The following ETV7 variants were observed in gnomAD, a reference collection of about 807,000 sequenced individuals.
ETV7 encodes transcription factor ETV7.
In ETV7, 43 loss-of-function variants were observed where a neutral mutation model predicts 39.1. The ratio of observed to expected loss-of-function variants is 1.10; its 90% CI spans 0.86 to 1.42. The LOEUF (loss-of-function observed/expected upper bound fraction) is 1.42. Among genes scored for constraint, ETV7 ranks in the 40% most tolerant of loss-of-function variants. The pLI, the probability that ETV7 is intolerant of heterozygous loss-of-function variation, is 0.00. For missense variants in ETV7, 432 were observed against 442.3 expected, an observed-to-expected ratio of 0.98 and a Z score of 0.21; for synonymous variants, 196 against 176.6, an observed-to-expected ratio of 1.11 and a Z score of -0.87.
intron 2 of ETV7, among the ~76,000 whole-genome samples, chr6:36,381,710 C>A (rs1472443147): frequency 1.3e-5 from 2 of 152,174 alleles, no homozygotes; most frequent in African/African-American, 4.8e-5. Flanking sequence ...CCAAGCTTTA[C>A]GGTCATCACC....
chr6:36,385,431 C>T, intron 2 of ETV7, 103 bp downstream of exon 2: 2 of 1,424,926 alleles, frequency 1.4e-6, no homozygotes, highest in Non-Finnish European at 2.0e-6. Context: ...ATGATTACAC[C>T]ACTGCACTCT....
At position 36,375,925 on chromosome 6, in the gene ETV7, G is replaced by A. The variant is rs139726679; in HGVS notation, c.253C>T (p.Arg85Cys). Residue 85 changes from arginine (R) to cysteine (C), a missense_variant, in exon 3 of 8, where the codon CGC becomes TGC. By Grantham distance (180) the Arg-to-Cys change is radical (BLOSUM62 -3). Coordinates refer to ENST00000340181, the MANE Select transcript of ETV7 (RefSeq NM_016135.4). ...TAEHGFEMNG[R>C]ALCILTKDDF... ...TCCTTGGTGAGGATGCAGAGGGCGC[G>A]TCCGTTCATCTCGAACCCGTGCTCC... 5.6e-5 allele frequency: 90 copies of A among 1,613,980 alleles called. No homozygotes were observed. The highest frequency in any genetic ancestry group is 1.2e-4 in the African/African-American group (9 of 75,054).
intron 3 of ETV7, among the ~76,000 whole-genome samples, chr6:36,373,958 C>T (rs1174587010): frequency 6.6e-6 from 1 of 152,174 alleles, no homozygotes. Context: ...TTCTAAGGCT[C>T]ATGGGATTCC....
intron 3 of ETV7, among the ~76,000 whole-genome samples, chr6:36,373,841 T>TG (rs1773170114): frequency 6.6e-6 from 1 of 152,224 alleles, no homozygotes; most frequent in African/African-American, 2.4e-5. Context: ...GCATGCAGCT[T>TG]GCAAGGTCAG....
intron 2 of ETV7, among the ~76,000 whole-genome samples, chr6:36,377,497 G>T (rs1166730843): frequency 1.3e-5 from 2 of 152,096 alleles, no homozygotes; most frequent in Non-Finnish European, 2.9e-5. Context: ...TTTTATGACT[G>T]CACTGGTGTA....
At chr6:36,358,818 T>C (rs1424948218) in intron 7 of ETV7, among the ~76,000 whole-genome samples, 1 of 152,256 alleles carries the variant, frequency 6.6e-6, no homozygotes, top group African/African-American at 2.4e-5. Context: ...GGGAAAGCTC[T>C]TCCTGCTCAG....
intron 4 of ETV7, among the ~76,000 whole-genome samples, chr6:36,372,229 C>T (rs1303070922): frequency 6.6e-6 from 1 of 151,980 alleles, no homozygotes; most frequent in Non-Finnish European, 1.5e-5. Context: ...GCAGAGGGAA[C>T]AGTAAGTGCA....
intron 6 of ETV7, 70 bp downstream of exon 6, chr6:36,368,859 G>A (rs1361256913): frequency 6.2e-7 from 1 of 1,601,122 alleles, no homozygotes; most frequent in Non-Finnish European, 8.5e-7. Context: ...ATAGTGCTAG[G>A]GGTCCACTCT....
chr6:36,376,074 G>T, intron 2 of ETV7, 39 bp from the exon 3 acceptor site: 2 of 1,562,950 alleles, frequency 1.3e-6, no homozygotes, highest in Non-Finnish European at 1.7e-6. Context: ...CTCCCCGTCG[G>T]GCCTCCTCAA....
At chr6:36,382,517 T>C (rs1674497094) in intron 2 of ETV7, among the ~76,000 whole-genome samples, 1 of 152,166 alleles carries the variant, frequency 6.6e-6, no homozygotes. Flanking sequence ...CATGTGCACA[T>C]TAAAATCTGA....
intron 7 of ETV7, among the ~76,000 whole-genome samples, chr6:36,361,151 A>C (rs1185934022): frequency 6.6e-6 from 1 of 152,218 alleles, no homozygotes; most frequent in Non-Finnish European, 1.5e-5. Context: ...TCTGAGTTGC[A>C]TATACTGGTT....
chr6:36,376,627 T>C (rs927149801), intron 2 of ETV7, among the ~76,000 whole-genome samples: 4 of 151,920 alleles, frequency 2.6e-5, no homozygotes, highest in African/African-American at 9.7e-5. Context: ...AATACAAAAA[T>C]TAGCTGGGCA....
downstream of ETV7, among the ~76,000 whole-genome samples, chr6:36,363,984 G>C (rs935436747): frequency 6.6e-6 from 1 of 151,946 alleles, no homozygotes; most frequent in Admixed American, 6.6e-5. Flanking sequence ...GGCCCCACCA[G>C]AGCAGCTAGA....
intron 1 of ETV7, among the ~76,000 whole-genome samples, chr6:36,386,311 G>C (rs919017363): frequency 6.6e-6 from 1 of 152,170 alleles, no homozygotes; most frequent in Non-Finnish European, 1.5e-5. Flanking sequence ...CTGGGCAAGA[G>C]AGCAAGACTC....
At chr6:36,369,244 C>G (rs1181020489) in intron 5 of ETV7, among the ~76,000 whole-genome samples, 173 bp from the exon 6 acceptor site, 1 of 152,194 alleles carries the variant, frequency 6.6e-6, no homozygotes, top group Non-Finnish European at 1.5e-5. Flanking sequence ...CACGCATTGT[C>G]TCAGGCAGTC....
At chr6:36,376,213 T>C (rs1341602211) in intron 2 of ETV7, among the ~76,000 whole-genome samples, 178 bp from the exon 3 acceptor site, 1 of 152,186 alleles carries the variant, frequency 6.6e-6, no homozygotes, top group Non-Finnish European at 1.5e-5. Context: ...AATTACATTT[T>C]ACATTGGATA....
chr6:36,378,147 C>T (rs1041848644), intron 2 of ETV7, among the ~76,000 whole-genome samples: 4 of 151,504 alleles, frequency 2.6e-5, no homozygotes, highest in Non-Finnish European at 5.9e-5. Flanking sequence ...CACGCACACA[C>T]GCGTGCCTAT....
At chr6:36,376,089 G>T in intron 2 of ETV7, 54 bp from the exon 3 acceptor site, 5 of 1,529,206 alleles carry the variant, frequency 3.3e-6, no homozygotes, top group Non-Finnish European at 4.4e-6. Context: ...CCTCAAAGAA[G>T]CCCACCCTGA....
At chr6:36,377,835 C>G (rs1008633249) in intron 2 of ETV7, among the ~76,000 whole-genome samples, 9 of 152,082 alleles carry the variant, frequency 5.9e-5, no homozygotes, top group Admixed American at 3.3e-4. Context: ...CTCCCGACGG[C>G]ACACAGGGAA....
Sources: allele counts gnomAD v4.1 joint callset (sites outside exome capture counted in the v4.1 genomes callset), GRCh38; gene constraint gnomAD v4.1.1; transcripts MANE v1.5; gene names NCBI Gene and HGNC (gene_info 2026-07-23, HGNC 2026-07-21).